UBE3D: variants seen among roughly 807,000 people sequenced by gnomAD.
UBE3D encodes ubiquitin protein ligase E3D.
Under a neutral mutation model 49.6 loss-of-function variants are expected in UBE3D, and 48 were observed. That is an observed-to-expected ratio of 0.97 (90% CI 0.77 to 1.23). The LOEUF is 1.23. Among genes scored for constraint, UBE3D ranks in the 50% most tolerant of loss-of-function variants. UBE3D has a pLI of 0.00. For missense variants in UBE3D, 452 were observed against 468.4 expected (o/e 0.96, Z 0.32); for synonymous variants, 189 against 174.2 (o/e 1.08, Z -0.67).
intron 8 of UBE3D, among the ~76,000 whole-genome samples, chr6:82,963,268 A>C (rs556237700): frequency 7.9e-5 from 12 of 151,762 alleles, no homozygotes; most frequent in African/African-American, 2.7e-4. Context: ...GGCATACTGA[A>C]TTCATACAGT....
intron 2 of UBE3D, 72 bp from the exon 3 acceptor site, chr6:83,054,310 T>A: frequency 8.8e-7 from 1 of 1,141,428 alleles, no homozygotes; most frequent in Non-Finnish European, 1.3e-6. Context: ...AACAGTTCAA[T>A]AGCCACGATA....
chr6:82,980,176 G>C (rs1256264523), intron 8 of UBE3D, among the ~76,000 whole-genome samples: 1 of 152,036 alleles, frequency 6.6e-6, no homozygotes, highest in African/African-American at 2.4e-5. Flanking sequence ...GTTTTCCATA[G>C]AAGTTGTACC....
At chr6:83,060,595 C>T (rs547748698) in intron 1 of UBE3D, among the ~76,000 whole-genome samples, 2 of 152,290 alleles carry the variant, frequency 1.3e-5, no homozygotes, top group African/African-American at 2.4e-5. Context: ...GTGCCCAGAT[C>T]TTGGTTTGTA....
intron 4 of UBE3D, among the ~76,000 whole-genome samples, chr6:83,039,920 G>A (rs1198975891): frequency 1.3e-5 from 2 of 152,064 alleles, no homozygotes; most frequent in Non-Finnish European, 2.9e-5. Context: ...GACTATAGGC[G>A]TGAGCCACCA....
rs137922412 is a variant in UBE3D, at chr6:83,019,052, T to C, written c.931A>G (p.Thr311Ala). ...YIKKFPLLENTFKADSSSAWS... is the reference protein window; with the variant it reads ...YIKKFPLLENAFKADSSSAWS... ...GCAGAACTAGAATCGGCTTTGAATG[T>C]GTTTTCCAACAAGGGGAATTTTTTG... is the stretch of plus-strand genomic sequence containing the variant. Residue 311 changes from threonine to alanine, a missense_variant, in exon 8 of 10, where the codon ACA (threonine) becomes GCA (alanine). Transcript: ENST00000369747. 199 of 1,614,070 alleles carry C rather than the reference T, an allele frequency of 1.2e-4. No homozygotes were observed. Among genetic ancestry groups the C allele is most frequent in the Non-Finnish European group, 1.6e-4 (194 of 1,179,974 alleles).
chr6:83,039,812 T>G (rs1039207226), intron 4 of UBE3D, among the ~76,000 whole-genome samples: 1 of 152,004 alleles, frequency 6.6e-6, no homozygotes, highest in Non-Finnish European at 1.5e-5. Context: ...CCCGGCTAAT[T>G]TTTGTAGTTA....
intron 9 of UBE3D, among the ~76,000 whole-genome samples, chr6:82,906,920 A>C (rs1772142328): frequency 6.6e-6 from 1 of 152,208 alleles, no homozygotes; most frequent in Non-Finnish European, 1.5e-5. Flanking sequence ...CTAAAACAAA[A>C]GAAAGTTCAT....
At chr6:83,033,853 A>G (rs1174844435) in intron 5 of UBE3D, among the ~76,000 whole-genome samples, 1 of 152,138 alleles carries the variant, frequency 6.6e-6, no homozygotes, top group Non-Finnish European at 1.5e-5. Flanking sequence ...TAAAATTTCT[A>G]CTTTCTCCAC....
intron 4 of UBE3D, among the ~76,000 whole-genome samples, chr6:83,043,950 C>T (rs962977064): frequency 3.9e-5 from 6 of 152,188 alleles, no homozygotes; most frequent in African/African-American, 1.4e-4. Flanking sequence ...TATCTCCATT[C>T]CTGGGCTCCT....
At chr6:82,989,598 A>G (rs1175761257) in intron 8 of UBE3D, among the ~76,000 whole-genome samples, 1 of 152,170 alleles carries the variant, frequency 6.6e-6, no homozygotes, top group Non-Finnish European at 1.5e-5. Context: ...TATGTATACA[A>G]ATAGACATGG....
At chr6:82,983,161 T>G (rs1275036227) in intron 8 of UBE3D, among the ~76,000 whole-genome samples, 1 of 151,792 alleles carries the variant, frequency 6.6e-6, no homozygotes, top group East Asian at 1.9e-4. Context: ...GAAAGTTTTT[T>G]TTTTTTTTTT....
intron 8 of UBE3D, among the ~76,000 whole-genome samples, chr6:83,007,934 G>C (rs185368728): frequency 1.4e-3 from 206 of 144,724 alleles, no homozygotes; most frequent in Non-Finnish European, 2.6e-3. Context: ...GACAAAGTGA[G>C]ACCCTGTCTC....
chr6:83,019,254 C>A, intron 7 of UBE3D, 118 bp from the exon 8 acceptor site: 3 of 947,204 alleles, frequency 3.2e-6, no homozygotes, highest in Non-Finnish European at 2.9e-6. Context: ...ATATGAGAAT[C>A]ATGTACATAA....
chr6:82,910,754 T>C (rs1447140138), intron 9 of UBE3D, among the ~76,000 whole-genome samples: 1 of 152,152 alleles, frequency 6.6e-6, no homozygotes, highest in African/African-American at 2.4e-5. Context: ...ATTTTCAAGT[T>C]GAAAACATAA....
chr6:82,914,695 C>A (rs1195236044), intron 9 of UBE3D, among the ~76,000 whole-genome samples: 1 of 152,206 alleles, frequency 6.6e-6, no homozygotes, highest in Non-Finnish European at 1.5e-5. Context: ...GTGACTTCCA[C>A]ACTCATTTTT....
intron 9 of UBE3D, among the ~76,000 whole-genome samples, chr6:82,899,765 A>G: frequency 6.6e-6 from 1 of 152,238 alleles, no homozygotes; most frequent in East Asian, 1.9e-4. Flanking sequence ...TACGGACAGC[A>G]TTGTTGGCAT....
chr6:82,896,716 T>C lies in UBE3D; in HGVS notation c.1150-3674A>G, dbSNP rs187964214. 2.7e-3 allele frequency among the ~76,000 whole-genome samples: 409 copies of C among 152,114 alleles called. 2 individuals are homozygous for C. Among genetic ancestry groups the C allele is most frequent in the Non-Finnish European group, 4.9e-3 (333 of 67,992 alleles). ...ATAATAACTGATTTCTCAACATTGA[T>C]TTAGAACTTTTTATCCTCTGTTTTG... On this transcript the variant is annotated intron_variant, in intron 9 of 9. Transcript: ENST00000369747.
chr6:82,927,871 C>T (rs771714930), intron 9 of UBE3D, among the ~76,000 whole-genome samples: 4 of 151,518 alleles, frequency 2.6e-5, no homozygotes, highest in South Asian at 2.1e-4. Flanking sequence ...TAAGATCAGT[C>T]GGTGCCAGTA....
intron 2 of UBE3D, 28 bp downstream of exon 2, chr6:83,057,798 C>A: frequency 1.2e-6 from 2 of 1,608,336 alleles, no homozygotes; most frequent in Non-Finnish European, 1.7e-6. Flanking sequence ...AAGGTAAATA[C>A]AGCAGCAGAA....
Sources: allele counts gnomAD v4.1 joint callset (sites outside exome capture counted in the v4.1 genomes callset), GRCh38; gene constraint gnomAD v4.1.1; transcripts MANE v1.5; gene names NCBI Gene and HGNC (gene_info 2026-07-23, HGNC 2026-07-21).